The following VWA8 variants were observed in gnomAD, a reference collection of about 807,000 sequenced individuals.
VWA8 encodes von Willebrand factor A domain containing 8, also known as von Willebrand factor A domain-containing protein 8.
Under a neutral mutation model 241.5 loss-of-function variants are expected in VWA8, and 221 were observed. The ratio of observed to expected loss-of-function variants is 0.91; its 90% CI spans 0.82 to 1.02. VWA8 has a LOEUF of 1.02. Ranked by LOEUF, VWA8 falls within the 50% of genes least tolerant of loss-of-function variation. VWA8 has a pLI of 0.00. For synonymous variants in VWA8, 852 were observed against 827.1 expected (o/e 1.03, Z -0.52); for missense variants, 2,322 against 2,328.7 (o/e 1.00, Z 0.06).
At chr13:41,828,112 A>C (rs1245843921) in intron 14 of VWA8, among the ~76,000 whole-genome samples, 4 of 152,222 alleles carry the variant, frequency 2.6e-5, no homozygotes, top group African/African-American at 9.6e-5. Context: ...CCAGTCTAAA[A>C]GAATTTGATA....
intron 3 of VWA8, among the ~76,000 whole-genome samples, 195 bp from the exon 4 acceptor site, chr13:41,907,891 T>C (rs1397688379): frequency 6.6e-6 from 1 of 152,214 alleles, no homozygotes; most frequent in African/African-American, 2.4e-5. Flanking sequence ...ATATATCTCC[T>C]CAGAGCTCTT....
At chr13:41,571,249 T>A (rs1432622292) in intron 43 of VWA8, among the ~76,000 whole-genome samples, 1 of 149,624 alleles carries the variant, frequency 6.7e-6, no homozygotes, top group Non-Finnish European at 1.5e-5. Context: ...ACCAATGATA[T>A]GATTGTATAT....
intron 40 of VWA8, among the ~76,000 whole-genome samples, chr13:41,591,342 A>G (rs2044453480): frequency 6.6e-6 from 1 of 152,222 alleles, no homozygotes. Flanking sequence ...CTTTGCTACA[A>G]TAACTTACAA....
chr13:41,609,144 G>A (rs981756658), intron 39 of VWA8, among the ~76,000 whole-genome samples: 4 of 152,082 alleles, frequency 2.6e-5, no homozygotes, highest in African/African-American at 9.7e-5. Flanking sequence ...CAAAACAGAT[G>A]GATGCCTGCC....
intron 21 of VWA8, among the ~76,000 whole-genome samples, chr13:41,740,909 GA>G (rs1399639635): frequency 1.3e-5 from 2 of 152,016 alleles, no homozygotes; most frequent in East Asian, 1.9e-4. Flanking sequence ...GGTCAAATTA[GA>G]AAAAAACAGG....
chr13:41,842,428 TG>T (rs1409256691), intron 12 of VWA8, among the ~76,000 whole-genome samples: 1 of 152,230 alleles, frequency 6.6e-6, no homozygotes, highest in African/African-American at 2.4e-5. Context: ...CAGGATGCGA[TG>T]TTGACATTAC....
chr13:41,699,902 G>C lies in VWA8; in HGVS notation c.3365-632C>G, dbSNP rs114610215. On this transcript the variant is annotated intron_variant, in intron 28 of 44. Transcript: ENST00000379310. The stretch of plus-strand genomic sequence containing the variant: ...AATTTCAAGTGCCTATGAATCACCT[G>C]GGGATCTAATAAAACTGCAGACTCT... Among the ~76,000 whole-genome samples the C allele has an allele frequency of 2.2e-3, 328 of 152,204 alleles. 1 individual carries two copies. The highest frequency in any genetic ancestry group is 7.5e-3 in the African/African-American group (313 of 41,528).
intron 42 of VWA8, among the ~76,000 whole-genome samples, chr13:41,579,002 GAT>G (rs1232038652): frequency 6.6e-6 from 1 of 152,196 alleles, no homozygotes; most frequent in Non-Finnish European, 1.5e-5. Context: ...TTTGGTCAAA[GAT>G]GTGGTTTATC....
intron 21 of VWA8, among the ~76,000 whole-genome samples, chr13:41,740,886 T>C (rs1236906089): frequency 1.3e-5 from 2 of 152,054 alleles, no homozygotes. Flanking sequence ...CAAAACAAAA[T>C]ACTTAATATA....
At chr13:41,760,516 T>C (rs1160390375) in intron 21 of VWA8, among the ~76,000 whole-genome samples, 3 of 152,090 alleles carry the variant, frequency 2.0e-5, no homozygotes, top group African/African-American at 4.8e-5. Context: ...TTACTTGATA[T>C]ATTTCTTGAC....
intron 21 of VWA8, among the ~76,000 whole-genome samples, chr13:41,750,023 TA>T (rs756012522): frequency 5.8e-4 from 87 of 151,062 alleles, no homozygotes; most frequent in African/African-American, 1.9e-3. Context: ...TAAAGTATAT[TA>T]AAAAAAAAGA....
chr13:41,813,896 G>A (rs1255715924), intron 16 of VWA8, among the ~76,000 whole-genome samples: 1 of 151,944 alleles, frequency 6.6e-6, no homozygotes, highest in Non-Finnish European at 1.5e-5. Flanking sequence ...AAAAAGGGGG[G>A]CGGTGAAGAT....
At chr13:41,792,441 T>C (rs1869503002) in intron 17 of VWA8, among the ~76,000 whole-genome samples, 1 of 152,044 alleles carries the variant, frequency 6.6e-6, no homozygotes, top group Admixed American at 6.5e-5. Flanking sequence ...TGTAGGTTTG[T>C]TTCTGTGCTC....
intron 37 of VWA8, among the ~76,000 whole-genome samples, chr13:41,642,922 C>CT (rs1448066311): frequency 6.6e-6 from 1 of 151,806 alleles, no homozygotes; most frequent in African/African-American, 2.4e-5. Context: ...GAGCAACACT[C>CT]TGACTCAAAA....
At chr13:41,703,719 G>T (rs1425468735) in intron 26 of VWA8, among the ~76,000 whole-genome samples, 2 of 151,646 alleles carry the variant, frequency 1.3e-5, no homozygotes, top group Admixed American at 1.3e-4. Context: ...TAAATTTCTG[G>T]TAGAGTATAG....
intron 1 of VWA8, among the ~76,000 whole-genome samples, chr13:41,950,629 A>C (rs1878087459): frequency 6.7e-6 from 1 of 149,712 alleles, no homozygotes; most frequent in South Asian, 2.1e-4. Flanking sequence ...TGGCCTCCCA[A>C]AGTGCTGGGA....
chr13:41,797,113 C>A (rs1172612634), intron 17 of VWA8, among the ~76,000 whole-genome samples: 2 of 152,094 alleles, frequency 1.3e-5, no homozygotes, highest in Non-Finnish European at 2.9e-5. Context: ...TCACTGCAAC[C>A]TCCACTGCCC....
At chr13:41,634,536 A>G (rs887846801) in intron 37 of VWA8, among the ~76,000 whole-genome samples, 2 of 152,186 alleles carry the variant, frequency 1.3e-5, no homozygotes, top group African/African-American at 2.4e-5. Flanking sequence ...TAAATGAAGG[A>G]AAGAGCCTGA....
chr13:41,868,612 C>A lies in VWA8; in HGVS notation c.1081-135G>T. ...ATAAAAGTAGAGGTTAGGCCAAGGG[C>A]GGTGGCTCAGGCCTGTTAATCCCAG... On this transcript the variant is annotated intron_variant, in intron 9 of 44. Coordinates refer to ENST00000379310, the MANE Select transcript of VWA8 (RefSeq NM_015058.2). The A allele has an allele frequency of 2.6e-6, 3 of 1,141,692 alleles. 1 individual carries two copies. In the South Asian group the frequency reaches 5.1e-5, roughly 19 times the overall value. The allele number at this position is 1,141,692 out of a possible 1,614,324, so 70.7% of individuals were successfully genotyped here.
Sources: allele counts gnomAD v4.1 joint callset (sites outside exome capture counted in the v4.1 genomes callset), GRCh38; gene constraint gnomAD v4.1.1; transcripts MANE v1.5; gene names NCBI Gene and HGNC (gene_info 2026-07-23, HGNC 2026-07-21).